The following CTBP2 variants were observed in gnomAD, a reference collection of about 807,000 sequenced individuals.
The protein encoded by CTBP2 is C-terminal-binding protein 2.
A neutral mutation model predicts 80.3 loss-of-function variants in CTBP2; 30 were observed. The observed-to-expected ratio is 0.37, with a 90% confidence interval of 0.28 to 0.51. The LOEUF (loss-of-function observed/expected upper bound fraction) is 0.51. CTBP2 is among the 20% of genes least tolerant of loss of function. The probability of loss-of-function intolerance (pLI) is 0.93; values close to 1 mark genes in which losing one functional copy is unlikely to be tolerated. For synonymous variants in CTBP2, 594 were observed against 587.4 expected (o/e 1.01, Z -0.16); for missense variants, 1,212 against 1,375.3 (o/e 0.88, Z 1.88).
intron 1 of CTBP2, among the ~76,000 whole-genome samples, chr10:125,144,785 T>C (rs958222939): frequency 3.9e-5 from 6 of 152,248 alleles, no homozygotes; most frequent in Non-Finnish European, 8.8e-5. Flanking sequence ...TGTACATAGA[T>C]AGTAATAGTG....
chr10:125,031,381 C>T (rs998286368), upstream of CTBP2, among the ~76,000 whole-genome samples: 6 of 138,278 alleles, frequency 4.3e-5, no homozygotes, highest in African/African-American at 1.3e-4. Context: ...CCCAGCTACT[C>T]GGGAGGCTGA....
intron 2 of CTBP2, among the ~76,000 whole-genome samples, chr10:125,065,555 G>A (rs1195493952): frequency 6.6e-6 from 1 of 152,128 alleles, no homozygotes; most frequent in Non-Finnish European, 1.5e-5. Flanking sequence ...TCCACATCCT[G>A]CGCAGTCAGC....
chr10:125,098,772 G>GAGAC (rs1564915098), intron 2 of CTBP2, among the ~76,000 whole-genome samples: 4 of 147,492 alleles, frequency 2.7e-5, no homozygotes, highest in South Asian at 2.2e-4. Context: ...GAGAGAGAGA[G>GAGAC]AGAGAGACAG....
intron 1 of CTBP2, among the ~76,000 whole-genome samples, chr10:125,138,526 A>G (rs1397853960): frequency 1.3e-5 from 2 of 152,180 alleles, no homozygotes; most frequent in Non-Finnish European, 2.9e-5. Flanking sequence ...TGTGCTAAAA[A>G]TAAGATTAAC....
At position 125,056,774 on chromosome 10, in the gene CTBP2, C is replaced by T. The variant is rs7902895; in HGVS notation, c.-101-17619G>A. ...GTGGCCTTAGGACCTCCAACTCCAT[C>T]GCTCCCAACCCCATCACGGGCAGCA... On this transcript the variant is annotated intron_variant, in intron 2 of 10. Transcript: ENST00000337195. 3.1e-3 allele frequency among the ~76,000 whole-genome samples: 479 copies of T among 152,356 alleles called. 3 individuals are homozygous for T. The highest frequency in any genetic ancestry group is 0.01 in the African/African-American group (419 of 41,594).
At chr10:125,037,751 G>A (rs1353987900) in intron 3 of CTBP2, among the ~76,000 whole-genome samples, 1 of 152,176 alleles carries the variant, frequency 6.6e-6, no homozygotes, top group Non-Finnish European at 1.5e-5. Context: ...GTTCATTCCG[G>A]TACTGGGAGC....
Position 124,997,760 on chromosome 10 carries a change from G to A in CTBP2, c.2185+204C>T, listed in dbSNP as rs148171460. On this transcript the variant is annotated intron_variant, in intron 4 of 8. Transcript: ENST00000309035. ...ACAGCAGTGGACACGCATTCTTCCA[G>A]AACCAGCCCAGATCCTGCCTCTAGG... The A allele has an allele frequency of 3.8e-4, 226 of 598,894 alleles. 1 individual carries two copies. In the African/African-American group the frequency reaches 3.9e-3, roughly 10 times the overall value. The allele number at this position is 598,894 out of a possible 1,614,324, so 37.1% of individuals were successfully genotyped here. A position where few individuals can be genotyped will look rare whatever the true frequency, so the allele number is the denominator to read the frequency against.
At chr10:125,108,432 G>GGTAGA in intron 2 of CTBP2, among the ~76,000 whole-genome samples, 1 of 152,106 alleles carries the variant, frequency 6.6e-6, no homozygotes, top group South Asian at 2.1e-4. Flanking sequence ...TCCTTCTTCT[G>GGTAGA]TGCCCACATT....
chr10:125,131,453 C>G (rs1487652638), intron 1 of CTBP2, among the ~76,000 whole-genome samples: 1 of 152,182 alleles, frequency 6.6e-6, no homozygotes, highest in Non-Finnish European at 1.5e-5. Context: ...CTACAGGACT[C>G]AGTGAATAAA....
At chr10:125,102,306 C>T (rs769992808) in intron 2 of CTBP2, among the ~76,000 whole-genome samples, 2 of 152,236 alleles carry the variant, frequency 1.3e-5, no homozygotes, top group Admixed American at 6.5e-5. Flanking sequence ...CAATTAGAAT[C>T]ATTACCTTCC....
chr10:125,031,449 A>G (rs909190466), upstream of CTBP2, among the ~76,000 whole-genome samples: 1 of 123,368 alleles, frequency 8.1e-6, no homozygotes, highest in Non-Finnish European at 1.6e-5. Context: ...AGACAGAACC[A>G]TTGCATTCCA....
At position 125,020,692 on chromosome 10, in the gene CTBP2, C is replaced by G. The variant is rs146395093; in HGVS notation, c.1678+5390G>C. On this transcript the variant is annotated intron_variant, in intron 1 of 8. Transcript: ENST00000309035. ...AGAAATCATTTGTCGACCTCTTCCC[C>G]CTTGGAGCTCTCCAGATGCGGCGAG... Among the ~76,000 whole-genome samples the G allele has an allele frequency of 5.8e-3, 881 of 152,290 alleles. 6 individuals carry two copies. Among genetic ancestry groups the G allele is most frequent in the Non-Finnish European group, 8.3e-3 (562 of 68,032 alleles).
At chr10:125,149,181 C>T (rs575015966) in intron 1 of CTBP2, among the ~76,000 whole-genome samples, 29 of 152,290 alleles carry the variant, frequency 1.9e-4, no homozygotes, top group African/African-American at 5.5e-4. Context: ...TCACAAGGCC[C>T]GGCTCACAGG....
At chr10:125,089,419 G>A (rs986287770) in intron 2 of CTBP2, among the ~76,000 whole-genome samples, 1 of 152,224 alleles carries the variant, frequency 6.6e-6, no homozygotes, top group African/African-American at 2.4e-5. Flanking sequence ...CGAAGTCACG[G>A]TGTGGCTCAG....
Position 125,136,297 on chromosome 10 carries a change from C to T in CTBP2, c.-206+24022G>A, listed in dbSNP as rs575253766. Reference sequence around the variant, plus strand: ...ACCTCCTGTGAAAGGCCAGCCCTGACCTCAGGGTGCATGGGTGGGGCTCCC... The same window carrying T: ...ACCTCCTGTGAAAGGCCAGCCCTGATCTCAGGGTGCATGGGTGGGGCTCCC... On this transcript the variant is annotated intron_variant, in intron 1 of 10. Transcript: ENST00000337195. 4.6e-5 allele frequency among the ~76,000 whole-genome samples: 7 copies of T among 152,318 alleles called. No homozygotes were observed. The South Asian group carries it at 6.2e-4, about 14-fold the overall frequency.
intron 1 of CTBP2, among the ~76,000 whole-genome samples, chr10:125,016,007 C>T (rs1049398110): frequency 3.3e-5 from 5 of 149,560 alleles, no homozygotes; most frequent in Non-Finnish European, 5.9e-5. Flanking sequence ...AGTTTGAGAA[C>T]GCCTACTGTG....
At chr10:125,021,833 G>C (rs1435720595) in intron 1 of CTBP2, among the ~76,000 whole-genome samples, 1 of 152,166 alleles carries the variant, frequency 6.6e-6, no homozygotes, top group Non-Finnish European at 1.5e-5. Context: ...CACTGATGTC[G>C]GGTGTGTTCA....
At chr10:125,084,496 C>T (rs1196863809) in intron 2 of CTBP2, among the ~76,000 whole-genome samples, 1 of 152,148 alleles carries the variant, frequency 6.6e-6, no homozygotes, top group Non-Finnish European at 1.5e-5. Flanking sequence ...TCCGGAGGCT[C>T]CCGCCCAAAC....
Position 124,985,202 on chromosome 10 carries a change from TA to T in CTBP2, c.*4315del. 2.2e-6 allele frequency: 1 copy of T among 464,220 alleles called. No individual in the cohort carries two copies. Among genetic ancestry groups the T allele is most frequent in the Non-Finnish European group, 3.8e-6 (1 of 263,864 alleles). 28.8% of individuals were successfully genotyped at this position (464,220 alleles called of 1,614,324 possible). ...AGAACTTTAGTTGGACTACAGTTTG[TA>T]AAAAAAACTAATTTTATTAAGACAG... On this transcript the variant is annotated 3_prime_UTR_variant, in exon 9 of 9. Coordinates refer to ENST00000309035, the MANE Select transcript of CTBP2 (RefSeq NM_022802.3).
Sources: allele counts gnomAD v4.1 joint callset (sites outside exome capture counted in the v4.1 genomes callset), GRCh38; gene constraint gnomAD v4.1.1; transcripts MANE v1.5; gene names NCBI Gene and HGNC (gene_info 2026-07-23, HGNC 2026-07-21).